The following NCOA7 variants were observed in gnomAD, a reference collection of about 807,000 sequenced individuals.
NCOA7 encodes the protein 140 kDa estrogen receptor-associated protein.
In NCOA7, 45 loss-of-function variants were observed where a neutral mutation model predicts 104.3. The observed-to-expected ratio is 0.43, with a 90% confidence interval of 0.34 to 0.55. The LOEUF is 0.55. Ranked by LOEUF, NCOA7 falls within the 20% of genes least tolerant of loss-of-function variation. The probability of loss-of-function intolerance (pLI) is 0.02; values close to 1 mark genes in which losing one functional copy is unlikely to be tolerated. For missense variants in NCOA7, 1,041 were observed against 1,119.7 expected (o/e 0.93, Z 1.00); for synonymous variants, 398 against 402.3 (o/e 0.99, Z 0.13).
intron 10 of NCOA7, among the ~76,000 whole-genome samples, chr6:125,910,312 T>G (rs987459329): frequency 1.3e-5 from 2 of 152,228 alleles, no homozygotes; most frequent in Non-Finnish European, 2.9e-5. Context: ...GCCAGCAACC[T>G]ATTAGGAACC....
chr6:125,902,002 C>T (rs1030492468), intron 10 of NCOA7, among the ~76,000 whole-genome samples: 9 of 152,086 alleles, frequency 5.9e-5, no homozygotes, highest in African/African-American at 1.2e-4. Flanking sequence ...AGCATTCAGG[C>T]GCTTCTTCTC....
intron 10 of NCOA7, among the ~76,000 whole-genome samples, chr6:125,895,685 C>T (rs1265396692): frequency 6.6e-6 from 1 of 152,104 alleles, no homozygotes; most frequent in Non-Finnish European, 1.5e-5. Context: ...AGGAAGCTTA[C>T]AACACCAAGG....
chr6:125,927,571 C>A, intron 13 of NCOA7, 92 bp from the exon 14 acceptor site: 1 of 928,502 alleles, frequency 1.1e-6, no homozygotes, highest in Non-Finnish European at 1.8e-6. Context: ...TGAAATAGAT[C>A]TCAGAACATG....
chr6:125,874,776 A>G (rs1033064638), intron 3 of NCOA7, 113 bp from the exon 4 acceptor site: 7 of 710,456 alleles, frequency 9.9e-6, no homozygotes, highest in African/African-American at 7.1e-5. Context: ...CCATTTTCCT[A>G]TTAGTGTCTT....
intron 10 of NCOA7, among the ~76,000 whole-genome samples, chr6:125,910,910 A>G (rs1786481166): frequency 6.6e-6 from 1 of 152,216 alleles, no homozygotes. Flanking sequence ...AAAGCTATCT[A>G]GGATATGTTA....
At chr6:125,856,448 G>A (rs1271393148) in intron 3 of NCOA7, among the ~76,000 whole-genome samples, 1 of 152,034 alleles carries the variant, frequency 6.6e-6, no homozygotes, top group Non-Finnish European at 1.5e-5. Context: ...TGCCTCCCGG[G>A]TTCACACCAT....
chr6:125,868,539 C>T (rs1782621591), intron 3 of NCOA7, among the ~76,000 whole-genome samples: 1 of 152,132 alleles, frequency 6.6e-6, no homozygotes, highest in African/African-American at 2.4e-5. Context: ...CTAGTTAAAC[C>T]CAGCTCATTT....
intron 10 of NCOA7, among the ~76,000 whole-genome samples, chr6:125,895,691 C>G (rs1784946096): frequency 6.6e-6 from 1 of 152,052 alleles, no homozygotes; most frequent in African/African-American, 2.4e-5. Context: ...CTTACAACAC[C>G]AAGGCAGAAG....
chr6:125,795,909 T>C (rs1775277052), intron 1 of NCOA7, among the ~76,000 whole-genome samples: 1 of 152,204 alleles, frequency 6.6e-6, no homozygotes, highest in South Asian at 2.1e-4. Flanking sequence ...TTTGCCAACA[T>C]ATCCTTGTTT....
chr6:125,898,197 C>G (rs1409478728), intron 10 of NCOA7, among the ~76,000 whole-genome samples: 1 of 152,188 alleles, frequency 6.6e-6, no homozygotes, highest in Non-Finnish European at 1.5e-5. Context: ...GAGTACTGAG[C>G]TTTTCATGAT....
chr6:125,795,003 C>G (rs1277876443), intron 1 of NCOA7, among the ~76,000 whole-genome samples: 1 of 152,188 alleles, frequency 6.6e-6, no homozygotes, highest in African/African-American at 2.4e-5. Context: ...CTCTGAGCCT[C>G]TTTTATTTAC....
intron 10 of NCOA7, among the ~76,000 whole-genome samples, chr6:125,901,408 T>C (rs1167312407): frequency 6.6e-6 from 1 of 152,214 alleles, no homozygotes; most frequent in East Asian, 1.9e-4. Flanking sequence ...TTTACAACAA[T>C]GTAAATGGCA....
intron 2 of NCOA7, among the ~76,000 whole-genome samples, chr6:125,842,082 T>C (rs912028645): frequency 2.0e-5 from 3 of 152,332 alleles, no homozygotes; most frequent in South Asian, 2.1e-4. Flanking sequence ...CTAGAACATA[T>C]TCTAATTTTA....
chr6:125,914,010 A>G (rs772620270), intron 10 of NCOA7, among the ~76,000 whole-genome samples: 54 of 152,268 alleles, frequency 3.5e-4, no homozygotes, highest in Non-Finnish European at 7.2e-4. Context: ...TGCTGACGTC[A>G]CAGCAAACTA....
intron 10 of NCOA7, among the ~76,000 whole-genome samples, chr6:125,911,150 A>C (rs1786503933): frequency 6.6e-6 from 1 of 152,210 alleles, no homozygotes; most frequent in South Asian, 2.1e-4. Flanking sequence ...GAGAATGTGG[A>C]GGTCAAAAGA....
At chr6:125,861,284 T>G (rs1174096605) in intron 3 of NCOA7, among the ~76,000 whole-genome samples, 3 of 152,204 alleles carry the variant, frequency 2.0e-5, no homozygotes, top group African/African-American at 7.2e-5. Flanking sequence ...TTACTTTTTC[T>G]TAATGTTTTT....
chr6:125,890,037 A>G (rs1383410145), intron 9 of NCOA7, 56 bp downstream of exon 9: 2 of 1,326,600 alleles, frequency 1.5e-6, no homozygotes, highest in African/African-American at 2.9e-5. Context: ...CCTTTCTACA[A>G]TTTGCACATG....
chr6:125,927,598 C>T, intron 13 of NCOA7, 65 bp from the exon 14 acceptor site: 5 of 1,231,058 alleles, frequency 4.1e-6, no homozygotes, highest in Non-Finnish European at 6.0e-6. Context: ...CAAAAATATT[C>T]CAGAAAGCCT....
intron 10 of NCOA7, among the ~76,000 whole-genome samples, chr6:125,909,799 G>A (rs1051268156): frequency 6.6e-6 from 1 of 152,112 alleles, no homozygotes; most frequent in African/African-American, 2.4e-5. Flanking sequence ...GACAGAGTGA[G>A]ACCGTGTCTC....
Sources: gnomAD v4.1 joint callset for allele counts (sites outside exome capture counted in the v4.1 genomes callset) on GRCh38, gnomAD v4.1.1 for gene constraint, MANE v1.5 for transcripts, NCBI Gene and HGNC (gene_info 2026-07-23, HGNC 2026-07-21) for gene names.